KRIT1: variants seen among roughly 807,000 people sequenced by gnomAD.
The protein encoded by KRIT1 is krev interaction trapped protein 1.
Under a neutral mutation model 95.8 loss-of-function variants are expected in KRIT1, and 45 were observed. The observed-to-expected ratio is 0.47, with a 90% CI of 0.37 to 0.60. KRIT1 has a LOEUF of 0.60. KRIT1 is among the 20% of genes least tolerant of loss of function. KRIT1 has a pLI of 0.00. For missense variants in KRIT1, 788 were observed against 877.5 expected (o/e 0.90, Z 1.29); for synonymous variants, 282 against 278.8 (o/e 1.01, Z -0.11).
Position 92,200,769 on chromosome 7 carries a change from A to T in KRIT1, c.2178T>A (p.Asn726Lys). 1.2e-6 allele frequency: 2 copies of T among 1,609,700 alleles called. No homozygotes were observed. Among genetic ancestry groups the T allele is most frequent in the Middle Eastern group, 1.7e-4 (1 of 6,030 alleles). Residue 726 changes from asparagine to lysine, a missense_variant, in exon 19 of 19, where the codon AAT becomes AAA. This residue lies in a region of KRIT1 where 493 missense variants were observed against 582.3 expected (regional missense o/e 0.85). Coordinates refer to ENST00000394505, the MANE Select transcript of KRIT1 (RefSeq NM_194454.3). ...GLVVKLLMKL[N>K]GQLMPTERNS ...TTCTTTCAGTGGGCATTAACTGTCC[A>T]TTTAGCTTCATTAACAGTTTTACCA... is the stretch of plus-strand genomic sequence containing the variant.
intron 12 of KRIT1, among the ~76,000 whole-genome samples, chr7:92,224,068 G>A (rs979977236): frequency 6.6e-6 from 1 of 152,150 alleles, no homozygotes; most frequent in Non-Finnish European, 1.5e-5. Flanking sequence ...CTTGGAGTAA[G>A]TGTTTTGACA....
chr7:92,238,602 C>T (rs1798917740), intron 5 of KRIT1, among the ~76,000 whole-genome samples: 1 of 152,170 alleles, frequency 6.6e-6, no homozygotes, highest in Non-Finnish European at 1.5e-5. Flanking sequence ...TTCTAATATA[C>T]TTCAGAGGCA....
In KRIT1 at chr7:92,219,372, A is replaced by C. The variant is rs111935827; in HGVS notation, c.1563+2530T>G. On this transcript the variant is annotated intron_variant, in intron 14 of 18. Coordinates refer to ENST00000394505, the MANE Select transcript of KRIT1 (RefSeq NM_194454.3). ...TTTTGCAATGTGAACTTACAGTTAT[A>C]CCAGCACCATCTGTTGAAGAGACTA... 3.3e-5 allele frequency among the ~76,000 whole-genome samples: 5 copies of C among 152,358 alleles called. 1 individual carries two copies. Among genetic ancestry groups the C allele is most frequent in the African/African-American group, 1.2e-4 (5 of 41,584 alleles).
intron 10 of KRIT1, 59 bp from the exon 11 acceptor site, chr7:92,226,741 C>T: frequency 6.6e-7 from 1 of 1,523,512 alleles, no homozygotes; most frequent in Non-Finnish European, 9.0e-7. Context: ...CTAAAAAGAT[C>T]ATCTGAAATG....
intron 6 of KRIT1, 44 bp from the exon 7 acceptor site, chr7:92,236,586 T>C: frequency 8.2e-7 from 1 of 1,213,130 alleles, no homozygotes; most frequent in Non-Finnish European, 1.2e-6. Context: ...ATAAAAGGTT[T>C]ACATCTGCAT....
rs1795238861 is a variant in KRIT1 at position 92,221,989 on chromosome 7, A to G, written c.1476T>C (p.Ala492=). ...TTTGAGGATCCAGATTAGTCAATTCAGCAAGTATTTCTGGCCAGTCACGAA... is the reference window on the plus strand; with the variant it reads ...TTTGAGGATCCAGATTAGTCAATTCGGCAAGTATTTCTGGCCAGTCACGAA... ...QHVRDWPEIL[A]ELTNLDPQRE... The change falls in exon 14 of 19, where the codon GCT becomes GCC. Residue 492 remains alanine (A), a synonymous_variant. Coordinates refer to ENST00000394505, the MANE Select transcript of KRIT1 (RefSeq NM_194454.3). 2 of 1,613,700 alleles carry G rather than the reference A, an allele frequency of 1.2e-6. No homozygotes were observed. Among genetic ancestry groups the G allele is most frequent in the Non-Finnish European group, 1.7e-6 (2 of 1,179,616 alleles).
intron 17 of KRIT1, 21 bp downstream of exon 17, chr7:92,213,173 TA>T (rs761177795): frequency 4.6e-6 from 7 of 1,533,358 alleles, no homozygotes; most frequent in South Asian, 1.1e-5. Context: ...ACATGATTGG[TA>T]AAAAAGAGCT....
intron 17 of KRIT1, among the ~76,000 whole-genome samples, chr7:92,202,784 G>A (rs1042188823): frequency 1.3e-5 from 2 of 152,142 alleles, no homozygotes; most frequent in Non-Finnish European, 2.9e-5. Context: ...TAATTTATGT[G>A]AGTATACATT....
intron 10 of KRIT1, among the ~76,000 whole-genome samples, chr7:92,230,197 G>A (rs1365157472): frequency 6.6e-6 from 1 of 151,924 alleles, no homozygotes; most frequent in Non-Finnish European, 1.5e-5. Flanking sequence ...CTTTTTTATT[G>A]CACAGATGAG....
At chr7:92,216,353 T>G (rs1793995212) in intron 14 of KRIT1, among the ~76,000 whole-genome samples, 1 of 150,592 alleles carries the variant, frequency 6.6e-6, no homozygotes, top group South Asian at 2.1e-4. Flanking sequence ...ACTCTATTAT[T>G]AAATATTAAA....
chr7:92,218,451 G>A (rs1794454198), intron 14 of KRIT1, among the ~76,000 whole-genome samples: 2 of 151,124 alleles, frequency 1.3e-5, no homozygotes, highest in Admixed American at 6.6e-5. Context: ...TGCAATACTG[G>A]CTCATTGTAA....
intron 5 of KRIT1, 173 bp downstream of exon 5, chr7:92,240,820 G>C: frequency 1.6e-6 from 1 of 617,544 alleles, no homozygotes; most frequent in Non-Finnish European, 2.8e-6. Flanking sequence ...AATTTGTCAA[G>C]TTACATCTTG....
At chr7:92,201,825 T>C (rs558391630) in intron 17 of KRIT1, among the ~76,000 whole-genome samples, 11 of 152,250 alleles carry the variant, frequency 7.2e-5, no homozygotes, top group Admixed American at 5.2e-4. Context: ...CTGAGAATGA[T>C]AGTTTCCAAG....
chr7:92,222,204 C>A, intron 13 of KRIT1, 151 bp from the exon 14 acceptor site: 2 of 603,250 alleles, frequency 3.3e-6, no homozygotes, highest in Non-Finnish European at 2.9e-6. Flanking sequence ...AATATGACTA[C>A]CCAATTTGTG....
chr7:92,201,636 T>A (rs140369121), intron 17 of KRIT1: 25 of 493,880 alleles, frequency 5.1e-5, no homozygotes, highest in African/African-American at 4.7e-4. Context: ...GCTGCACCCA[T>A]CAACCCGTCA....
intron 17 of KRIT1, among the ~76,000 whole-genome samples, chr7:92,212,222 A>T (rs1793007767): frequency 6.6e-6 from 1 of 152,184 alleles, no homozygotes; most frequent in Non-Finnish European, 1.5e-5. Context: ...TGCTCCCCAA[A>T]AGGTTCTTGT....
rs151024309 is a variant in KRIT1 at position 92,222,260 on chromosome 7, C to G, written c.1412-207G>C. Reference sequence around the variant, plus strand: ...AATATAAGAATTATTAAAAATAATTCTTACATAAAATTTATCAAATGTATA... The same window carrying G: ...AATATAAGAATTATTAAAAATAATTGTTACATAAAATTTATCAAATGTATA... On this transcript the variant is annotated intron_variant, in intron 13 of 18. Transcript: ENST00000394505. Among the ~76,000 whole-genome samples the G allele has an allele frequency of 3.8e-3, 582 of 152,062 alleles. 2 individuals are homozygous for G. Among genetic ancestry groups the G allele is most frequent in the South Asian group, 7.1e-3 (34 of 4,822 alleles).
At position 92,200,357 on chromosome 7, in the gene KRIT1, A is replaced by ATTTT. The variant is rs34910226; in HGVS notation, c.*375_*378dup. On this transcript the variant is annotated 3_prime_UTR_variant, in exon 19 of 19. Transcript: ENST00000394505. ...GAGACTATATGCCTTGTTGAAAGTA[A>ATTTT]TTTTTTTTTTTTTTTGAGATGGAGT... is the stretch of plus-strand genomic sequence containing the variant. 6.4e-5 allele frequency: 14 copies of ATTTT among 220,124 alleles called. No homozygotes were observed. Among genetic ancestry groups the ATTTT allele is most frequent in the South Asian group, 1.9e-4 (3 of 15,566 alleles). 13.6% of individuals were successfully genotyped at this position (220,124 alleles called of 1,614,324 possible).
intron 17 of KRIT1, among the ~76,000 whole-genome samples, chr7:92,207,338 G>C (rs1791764045): frequency 6.6e-6 from 1 of 151,436 alleles, no homozygotes; most frequent in African/African-American, 2.4e-5. Context: ...GGCCAGAAGA[G>C]CCTGGGATGA....
Sources: gnomAD v4.1 joint callset for allele counts (sites outside exome capture counted in the v4.1 genomes callset) on GRCh38, gnomAD v4.1.1 for gene constraint, gnomAD v4.1.1 regional missense constraint, MANE v1.5 for transcripts, NCBI Gene and HGNC (gene_info 2026-07-23, HGNC 2026-07-21) for gene names.